Variants in GALK2 observed in about 807,000 individuals in gnomAD.
GALK2 encodes galactokinase 2.
GALK2 carries 36 observed loss-of-function variants against 52.4 expected under a neutral mutation model. The observed-to-expected ratio is 0.69, with a 90% CI of 0.53 to 0.91. The LOEUF (loss-of-function observed/expected upper bound fraction) is 0.91. GALK2 is among the 40% of genes least tolerant of loss of function. The pLI is 0.00. For missense variants in GALK2, 579 were observed against 559.1 expected, an observed-to-expected ratio of 1.04 and a Z score of -0.36; for synonymous variants, 176 against 199.1, an observed-to-expected ratio of 0.88 and a Z score of 0.98.
chr15:49,248,458 C>T (rs151070534), intron 5 of GALK2, among the ~76,000 whole-genome samples: 62 of 152,250 alleles, frequency 4.1e-4, no homozygotes, highest in African/African-American at 1.4e-3. Flanking sequence ...GATGGTAAAT[C>T]CAGAATACAA....
chr15:49,215,325 T>C (rs1398432201), intron 2 of GALK2, among the ~76,000 whole-genome samples: 2 of 152,228 alleles, frequency 1.3e-5, no homozygotes, highest in Non-Finnish European at 2.9e-5. Flanking sequence ...TACCCTGATC[T>C]CTCTATCTCT....
chr15:49,235,594 T>C, intron 3 of GALK2: 2 of 608,590 alleles, frequency 3.3e-6, no homozygotes, highest in Non-Finnish European at 6.1e-6. Flanking sequence ...TGTAGATTAC[T>C]CTGAAATATA....
chr15:49,323,686 C>A (rs185227525), intron 9 of GALK2, among the ~76,000 whole-genome samples: 1 of 152,272 alleles, frequency 6.6e-6, no homozygotes, highest in Admixed American at 6.5e-5. Flanking sequence ...GCATATAGGA[C>A]AATGTATAGA....
intron 1 of GALK2, among the ~76,000 whole-genome samples, chr15:49,176,287 T>C (rs2085453152): frequency 6.6e-6 from 1 of 152,218 alleles, no homozygotes; most frequent in South Asian, 2.1e-4. Flanking sequence ...AATCAATAGG[T>C]TATGCTATTT....
At chr15:49,299,795 C>G (rs1361683954) in intron 8 of GALK2, among the ~76,000 whole-genome samples, 4 of 116,864 alleles carry the variant, frequency 3.4e-5, no homozygotes, top group Admixed American at 9.9e-5. Flanking sequence ...TTCTTTCTTT[C>G]GTGCTGTAGT....
Position 49,228,688 on chromosome 15 carries a change from T to TATATATATATATTTATTTA in GALK2, c.267-7163_267-7162insATATATATATATTTATTTA. Among the ~76,000 whole-genome samples, 61 of 10,444 alleles carry TATATATATATATTTATTTA rather than the reference T, an allele frequency of 5.8e-3. 2 individuals are homozygous for TATATATATATATTTATTTA. Among genetic ancestry groups the TATATATATATATTTATTTA allele is most frequent in the African/African-American group, 0.021 (61 of 2,940 alleles). The allele number at this position is 10,444 out of a possible 152,430, so 6.9% of individuals were successfully genotyped here. A position where few individuals can be genotyped will look rare whatever the true frequency, so the allele number is the denominator to read the frequency against. On this transcript the variant is annotated intron_variant, in intron 3 of 9. Transcript: ENST00000560031. ...ATATATATATATATATATATATATA[T>TATATATATATATTTATTTA]TTTTTTTTTTTTTTTTTTTTTTTGC...
At position 49,331,675 on chromosome 15, in the gene GALK2, C is replaced by G; in HGVS notation, c.*3516C>G. The G allele has an allele frequency of 1.4e-6, 1 of 711,498 alleles. No individual in the cohort carries two copies. Among genetic ancestry groups the G allele is most frequent in the Non-Finnish European group, 2.5e-6 (1 of 394,532 alleles). The allele number at this position is 711,498 out of a possible 1,614,324, so 44.1% of individuals were successfully genotyped here. A position where few individuals can be genotyped will look rare whatever the true frequency, so the allele number is the denominator to read the frequency against. On this transcript the variant is annotated 3_prime_UTR_variant, in exon 10 of 10. Transcript: ENST00000560031. ...AACAAGAATGTATCCTCTCCTGCCA[C>G]TGTAATTTGGGTGTGCCACCATACA...
rs1020480155 is a variant in GALK2 at position 49,254,045 on chromosome 15, T to G, written c.504+14678T>G. Among the ~76,000 whole-genome samples, 12 of 144,398 alleles carry G rather than the reference T, an allele frequency of 8.3e-5. 2 individuals are homozygous for G. The highest frequency in any genetic ancestry group is 1.9e-4 in the Non-Finnish European group (12 of 64,266). The allele number at this position is 144,398 out of a possible 152,430, so 94.7% of individuals were successfully genotyped here. A position where few individuals can be genotyped will look rare whatever the true frequency, so the allele number is the denominator to read the frequency against. ...TGCAGTTAGTCTGGCAAATTGTAAA[T>G]AACCTTAAAACTTTTCTCCCTAAAG... On this transcript the variant is annotated intron_variant, in intron 5 of 9. Coordinates refer to ENST00000560031, the MANE Select transcript of GALK2 (RefSeq NM_002044.4).
intron 1 of GALK2, among the ~76,000 whole-genome samples, chr15:49,165,093 A>G (rs972704030): frequency 1.1e-4 from 16 of 152,242 alleles, no homozygotes; most frequent in Non-Finnish European, 1.5e-4. Flanking sequence ...AATAGTGCTT[A>G]GAACATAGTA....
chr15:49,181,316 C>G (rs2085952509), intron 1 of GALK2, among the ~76,000 whole-genome samples: 1 of 151,268 alleles, frequency 6.6e-6, no homozygotes, highest in African/African-American at 2.4e-5. Flanking sequence ...GCCTTGTTGC[C>G]CAGGCTGGTC....
chr15:49,354,700 CA>C (rs1343208553), intron 3 of GALK2, among the ~76,000 whole-genome samples: 1 of 152,224 alleles, frequency 6.6e-6, no homozygotes, highest in Non-Finnish European at 1.5e-5. Flanking sequence ...ATTAGGTAAA[CA>C]AAACAGTCGG....
In GALK2 at chr15:49,328,280, C is replaced by T; in HGVS notation, c.*121C>T. ...TTATGATGAACGGTTGCTATTATAT[C>T]AAGATATATTTTCAAAGAAATGGTT... On this transcript the variant is annotated 3_prime_UTR_variant, in exon 10 of 10. Transcript: ENST00000560031. 3 of 1,442,056 alleles carry T rather than the reference C, an allele frequency of 2.1e-6. No homozygotes were observed. Among genetic ancestry groups the T allele is most frequent in the Non-Finnish European group, 2.7e-6 (3 of 1,098,800 alleles). 89.3% of individuals were successfully genotyped at this position (1,442,056 alleles called of 1,614,324 possible).
At chr15:49,356,400 C>A (rs1219441296) in intron 3 of GALK2, among the ~76,000 whole-genome samples, 18 of 149,364 alleles carry the variant, frequency 1.2e-4, no homozygotes, top group African/African-American at 2.2e-4. Context: ...TCTACCAAGC[C>A]AATGGAAAAC....
chr15:49,350,085 G>C (rs889210939), intron 3 of GALK2, among the ~76,000 whole-genome samples: 1 of 152,090 alleles, frequency 6.6e-6, no homozygotes, highest in Non-Finnish European at 1.5e-5. Context: ...GTATGTGTTG[G>C]CTTTCTGATA....
At position 49,329,831 on chromosome 15, in the gene GALK2, G is replaced by C; in HGVS notation, c.*1672G>C. Reference sequence around the variant, plus strand: ...TAAAAAAAAAAAAAAAAAGGCACCTGTCATTGTTTTGCTGTTCCATTTACA... The same window carrying C: ...TAAAAAAAAAAAAAAAAAGGCACCTCTCATTGTTTTGCTGTTCCATTTACA... On this transcript the variant is annotated 3_prime_UTR_variant, in exon 10 of 10. Transcript: ENST00000560031. 1.4e-6 allele frequency: 1 copy of C among 690,284 alleles called. No individual in the cohort carries two copies. Among genetic ancestry groups the C allele is most frequent in the South Asian group, 6.5e-5 (1 of 15,366 alleles). The allele number at this position is 690,284 out of a possible 1,614,324, so 42.8% of individuals were successfully genotyped here.
chr15:49,241,818 A>G (rs1480019403), intron 5 of GALK2, among the ~76,000 whole-genome samples: 3 of 152,208 alleles, frequency 2.0e-5, no homozygotes, highest in African/African-American at 7.2e-5. Context: ...AAAGAAGATA[A>G]AGAGAAACAC....
chr15:49,350,692 G>T (rs2042110058), intron 3 of GALK2, among the ~76,000 whole-genome samples: 1 of 152,120 alleles, frequency 6.6e-6, no homozygotes, highest in South Asian at 2.1e-4. Flanking sequence ...TTTTGACCTT[G>T]GTGGGTCTTC....
intron 5 of GALK2, among the ~76,000 whole-genome samples, chr15:49,239,589 A>G (rs1004855395): frequency 2.0e-5 from 3 of 152,238 alleles, no homozygotes; most frequent in Non-Finnish European, 2.9e-5. Flanking sequence ...ATAAAAATAC[A>G]TTGTATTAAA....
At chr15:49,210,075 C>G (rs905106677) in intron 2 of GALK2, among the ~76,000 whole-genome samples, 3 of 152,080 alleles carry the variant, frequency 2.0e-5, no homozygotes, top group Non-Finnish European at 2.9e-5. Flanking sequence ...TTTTATGTGT[C>G]CAGGAACTTA....
Sources: gnomAD v4.1 joint callset for allele counts (sites outside exome capture counted in the v4.1 genomes callset) on GRCh38, gnomAD v4.1.1 for gene constraint, MANE v1.5 for transcripts, NCBI Gene and HGNC (gene_info 2026-07-23, HGNC 2026-07-21) for gene names.